The following PCDHGA5 variants were observed in gnomAD, a reference collection of about 807,000 sequenced individuals.
PCDHGA5 encodes protocadherin gamma subfamily A, 5.
A neutral mutation model predicts 56.7 loss-of-function variants in PCDHGA5; 36 were observed. The ratio of observed to expected loss-of-function variants is 0.64; its 90% confidence interval spans 0.49 to 0.84. PCDHGA5 has a LOEUF of 0.84. PCDHGA5 is among the 40% of genes least tolerant of loss of function. The pLI is 0.00. For synonymous variants in PCDHGA5, 563 were observed against 520.2 expected (o/e 1.08, Z -1.12); for missense variants, 1,305 against 1,201.5 (o/e 1.09, Z -1.27).
At chr5:141,418,851 G>A (rs778281594) in intron 1 of PCDHGA5, 9 of 1,613,906 alleles carry the variant, frequency 5.6e-6, no homozygotes, top group South Asian at 2.2e-5. Context: ...TCAACACGGT[G>A]TAAAGTAATT....
intron 3 of PCDHGA5, among the ~76,000 whole-genome samples, chr5:141,508,855 C>T (rs2099872444): frequency 6.6e-6 from 1 of 152,020 alleles, no homozygotes; most frequent in Non-Finnish European, 1.5e-5. Flanking sequence ...CATTCCCAGG[C>T]TGGGAAAGGC....
intron 1 of PCDHGA5, among the ~76,000 whole-genome samples, chr5:141,450,547 C>T (rs182695399): frequency 3.4e-4 from 51 of 150,496 alleles, no homozygotes; most frequent in African/African-American, 1.0e-3. Context: ...AATGCAGTGG[C>T]GCAGTCTCGG....
intron 1 of PCDHGA5, chr5:141,478,117 C>G (rs1419172538): frequency 1.3e-5 from 21 of 1,614,058 alleles, no homozygotes; most frequent in Non-Finnish European, 1.7e-5. Context: ...TGTCAGTAAC[C>G]GAGGACTCTC....
At chr5:141,473,750 G>A (rs777343462) in intron 1 of PCDHGA5, among the ~76,000 whole-genome samples, 3 of 152,192 alleles carry the variant, frequency 2.0e-5, no homozygotes, top group Non-Finnish European at 4.4e-5. Context: ...TGAGAACTTG[G>A]ATACTATGCA....
chr5:141,401,356 G>A (rs1274587222), intron 1 of PCDHGA5, among the ~76,000 whole-genome samples: 1 of 152,070 alleles, frequency 6.6e-6, no homozygotes, highest in Non-Finnish European at 1.5e-5. Flanking sequence ...AAAAAGGAAG[G>A]AGAAGGAGAG....
At chr5:141,506,680 A>G (rs949777571) in intron 3 of PCDHGA5, among the ~76,000 whole-genome samples, 1 of 152,212 alleles carries the variant, frequency 6.6e-6, no homozygotes, top group Non-Finnish European at 1.5e-5. Context: ...ATATATTATT[A>G]TCTTTGCTGA....
chr5:141,493,289 C>T lies in PCDHGA5; in HGVS notation c.2422-1518C>T, dbSNP rs925045650. 2.6e-5 allele frequency among the ~76,000 whole-genome samples: 4 copies of T among 152,176 alleles called. No individual in the cohort carries two copies. Among genetic ancestry groups the T allele is most frequent in the Non-Finnish European group, 5.9e-5 (4 of 68,030 alleles). On this transcript the variant is annotated intron_variant, in intron 1 of 3. Coordinates refer to ENST00000518069, the MANE Select transcript of PCDHGA5 (RefSeq NM_018918.3). The surrounding 1 kb of genome is among the most constrained non-coding windows in gnomAD (Gnocchi z 4.3). ...CTTCACAGAGGTCAAGTGACTTGCT[C>T]AAGTTCACAGAGCAAGTAAGAGAGA...
At chr5:141,393,762 A>G (rs2092837336) in intron 1 of PCDHGA5, 1 of 1,613,940 alleles carries the variant, frequency 6.2e-7, no homozygotes, top group African/African-American at 1.3e-5. Context: ...ATTTTATGAA[A>G]TGGAAATACA....
intron 1 of PCDHGA5, chr5:141,371,150 A>G: frequency 1.2e-6 from 2 of 1,614,018 alleles, no homozygotes; most frequent in Non-Finnish European, 1.7e-6. Context: ...TCAATGTTGC[A>G]GAGAACCTGC....
At chr5:141,506,241 G>C (rs2237081) in intron 3 of PCDHGA5, among the ~76,000 whole-genome samples, 78,081 of 151,504 alleles carry the variant, frequency 0.52, 20,775 homozygotes, top group African/African-American at 0.63. Context: ...ATGAGGTCAG[G>C]AGTTCGAAAC....
intron 1 of PCDHGA5, chr5:141,394,001 G>T: frequency 6.2e-7 from 1 of 1,613,458 alleles, no homozygotes; most frequent in Non-Finnish European, 8.5e-7. Flanking sequence ...AATTAGAAAA[G>T]TCAATAGGTA....
In PCDHGA5 at chr5:141,477,229, C is replaced by G. The variant is rs1376731101; in HGVS notation, c.2422-17578C>G. The G allele has an allele frequency of 6.2e-7, 1 of 1,614,222 alleles. No homozygotes were observed. The highest frequency in any genetic ancestry group is 8.5e-7 in the Non-Finnish European group (1 of 1,180,052). On this transcript the variant is annotated intron_variant, in intron 1 of 3. Transcript: ENST00000518069. This position sits in a 1 kb window ranked among gnomAD's most constrained non-coding sequence, Gnocchi z 4.9. ...AGGATGCCCCTCTGGGGACTGTCAT[C>G]GCTTTGCTCAGTGTGACTGACCTGG...
At chr5:141,480,085 A>G (rs2099512286) in intron 1 of PCDHGA5, among the ~76,000 whole-genome samples, 1 of 152,216 alleles carries the variant, frequency 6.6e-6, no homozygotes, top group Admixed American at 6.5e-5. Context: ...TGCATGATAT[A>G]ATGTATGCAA....
intron 1 of PCDHGA5, among the ~76,000 whole-genome samples, chr5:141,468,994 T>C (rs2099188173): frequency 6.7e-6 from 1 of 148,824 alleles, no homozygotes; most frequent in Non-Finnish European, 1.5e-5. Context: ...ATTATTGTTT[T>C]TGCTGGGTGC....
At position 141,502,665 on chromosome 5, in the gene PCDHGA5, A is replaced by G. The variant is rs192555506; in HGVS notation, c.2481-2728A>G. The stretch of plus-strand genomic sequence containing the variant: ...GAGATAGGCAGCAACCCTTCATGCA[A>G]TTTTAGTATTCCCTGATGATCCTTG... On this transcript the variant is annotated intron_variant, in intron 2 of 3. Transcript: ENST00000518069. 3.7e-3 allele frequency among the ~76,000 whole-genome samples: 568 copies of G among 152,330 alleles called. 1 individual carries two copies. Among genetic ancestry groups the G allele is most frequent in the African/African-American group, 0.013 (544 of 41,584 alleles).
At chr5:141,373,070 A>G (rs1217511247) in intron 1 of PCDHGA5, among the ~76,000 whole-genome samples, 2 of 152,206 alleles carry the variant, frequency 1.3e-5, no homozygotes, top group Non-Finnish European at 2.9e-5. Context: ...AACATTTTTA[A>G]TACAGTATTA....
intron 1 of PCDHGA5, chr5:141,409,177 T>C: frequency 3.1e-6 from 5 of 1,613,944 alleles, no homozygotes; most frequent in Non-Finnish European, 4.2e-6. Context: ...AGGACGGAGG[T>C]GGTCTCTCTA....
Position 141,489,829 on chromosome 5 carries a change from G to T in PCDHGA5, c.2422-4978G>T, listed in dbSNP as rs1445416879. 6.2e-7 allele frequency: 1 copy of T among 1,614,076 alleles called. No individual in the cohort carries two copies. Among genetic ancestry groups the T allele is most frequent in the South Asian group, 1.1e-5 (1 of 91,070 alleles). ...GAAGCCATTCCCAGAGCTGGTGCTA[G>T]AGCAGCAGCTGGATCGTGAAGCCCA... On this transcript the variant is annotated intron_variant, in intron 1 of 3. Coordinates refer to ENST00000518069, the MANE Select transcript of PCDHGA5 (RefSeq NM_018918.3). The surrounding 1 kb of genome is among the most constrained non-coding windows in gnomAD (Gnocchi z 4.5).
At chr5:141,473,853 C>T (rs2099329853) in intron 1 of PCDHGA5, among the ~76,000 whole-genome samples, 1 of 152,128 alleles carries the variant, frequency 6.6e-6, no homozygotes, top group Non-Finnish European at 1.5e-5. Flanking sequence ...GGAAGATGAA[C>T]CTCGCTATTG....
Sources: gnomAD v4.1 joint callset for allele counts (sites outside exome capture counted in the v4.1 genomes callset) on GRCh38, gnomAD v4.1.1 for gene constraint, Gnocchi (gnomAD v3.1) non-coding constraint, MANE v1.5 for transcripts, NCBI Gene and HGNC (gene_info 2026-07-23, HGNC 2026-07-21) for gene names.